The following TDRD3 variants were observed in gnomAD, a reference collection of about 807,000 sequenced individuals.
TDRD3 encodes the protein tudor domain-containing protein 3.
TDRD3 carries 45 observed loss-of-function variants against 86.7 expected under a neutral mutation model. That is an observed-to-expected ratio of 0.52 (90% CI 0.41 to 0.67). The LOEUF (loss-of-function observed/expected upper bound fraction) is 0.67, where lower values mean the gene tolerates loss of function less well. TDRD3 is among the 30% of genes least tolerant of loss of function. TDRD3 has a pLI of 0.00. For synonymous variants in TDRD3, 298 were observed against 301.7 expected, an observed-to-expected ratio of 0.99 and a Z score of 0.13; for missense variants, 814 against 889.0, an observed-to-expected ratio of 0.92 and a Z score of 1.07.
intron 5 of TDRD3, among the ~76,000 whole-genome samples, chr13:60,480,810 A>G (rs539364406): frequency 2.0e-5 from 3 of 151,960 alleles, no homozygotes; most frequent in African/African-American, 7.2e-5. Context: ...AGCCAGCATG[A>G]TGGGGAGTGC....
intron 10 of TDRD3, among the ~76,000 whole-genome samples, chr13:60,521,962 T>C (rs1013749820): frequency 6.6e-6 from 1 of 152,124 alleles, no homozygotes; most frequent in Non-Finnish European, 1.5e-5. Context: ...ATAATTACTA[T>C]ATCTGGAAGT....
In TDRD3 at chr13:60,444,740, G is replaced by T; in HGVS notation, c.184G>T (p.Val62Leu). 6.8e-7 allele frequency: 1 copy of T among 1,478,176 alleles called. No individual in the cohort carries two copies. 91.6% of individuals were successfully genotyped at this position (1,478,176 alleles called of 1,614,324 possible). A position where few individuals can be genotyped will look rare whatever the true frequency, so the allele number is the denominator to read the frequency against. The part of the protein sequence containing the change: ...FLPSDINSGK[V>L]EKLEGPCVLQ... ...CCCCAGTGACATCAATAGTGGAAAG[G>T]TAGAAAAGGTAAAGAAAATCAATAA... Residue 62 changes from valine (V) to leucine (L), a missense_variant, in exon 3 of 14, where the codon GTA becomes TTA. Coordinates refer to ENST00000377881, the MANE Select transcript of TDRD3 (RefSeq NM_001146070.2).
intron 1 of TDRD3, among the ~76,000 whole-genome samples, chr13:60,436,608 A>C (rs1027767594): frequency 6.6e-6 from 1 of 152,068 alleles, no homozygotes; most frequent in African/African-American, 2.4e-5. Context: ...GAGGTTCTCT[A>C]TTCTGTTCCA....
chr13:60,531,365 G>A (rs956932451), intron 11 of TDRD3, among the ~76,000 whole-genome samples: 8 of 152,154 alleles, frequency 5.3e-5, no homozygotes, highest in African/African-American at 1.9e-4. Flanking sequence ...TCTCCTTCAT[G>A]GTGGAGGCAA....
intron 12 of TDRD3, among the ~76,000 whole-genome samples, chr13:60,554,669 G>C (rs564363521): frequency 6.6e-6 from 1 of 152,194 alleles, no homozygotes; most frequent in Admixed American, 6.5e-5. Context: ...CAGAGACTTC[G>C]TGCTTTCCTA....
At position 60,397,316 on chromosome 13, in the gene TDRD3, C is replaced by T; in HGVS notation, c.-49C>T. The T allele has an allele frequency of 1.8e-6, 2 of 1,126,278 alleles. No homozygotes were observed. Among genetic ancestry groups the T allele is most frequent in the Admixed American group, 2.9e-5 (1 of 33,918 alleles). The allele number at this position is 1,126,278 out of a possible 1,614,324, so 69.8% of individuals were successfully genotyped here. ...GGGGGGTCTCAAGTAGGAGGCCTCCCCATCACCCCCACCCCAGCCCCCCAC... is the reference window on the plus strand; with the variant it reads ...GGGGGGTCTCAAGTAGGAGGCCTCCTCATCACCCCCACCCCAGCCCCCCAC... On this transcript the variant is annotated 5_prime_UTR_variant, in exon 1 of 14. Coordinates refer to ENST00000377881, the MANE Select transcript of TDRD3 (RefSeq NM_001146070.2).
intron 5 of TDRD3, among the ~76,000 whole-genome samples, chr13:60,470,101 C>T (rs1164957532): frequency 2.0e-5 from 3 of 152,130 alleles, no homozygotes; most frequent in Admixed American, 6.6e-5. Flanking sequence ...CTGAATTTGA[C>T]GAAGTAACTC....
intron 1 of TDRD3, among the ~76,000 whole-genome samples, chr13:60,434,983 AT>A (rs1452219267): frequency 7.9e-5 from 12 of 152,328 alleles, no homozygotes; most frequent in Admixed American, 2.0e-4. Flanking sequence ...CTTGAAGCAC[AT>A]TTTGGTCTTT....
chr13:60,434,519 G>A (rs2137933379), intron 1 of TDRD3, among the ~76,000 whole-genome samples: 1 of 151,492 alleles, frequency 6.6e-6, no homozygotes, highest in South Asian at 2.1e-4. Flanking sequence ...CTTAAAAATT[G>A]CATTATTTGA....
intron 10 of TDRD3, among the ~76,000 whole-genome samples, chr13:60,518,146 A>C (rs1264829697): frequency 6.6e-6 from 1 of 152,136 alleles, no homozygotes; most frequent in Non-Finnish European, 1.5e-5. Context: ...AATATACTAC[A>C]CTGCTGCCTC....
At chr13:60,453,712 T>C (rs1955600151) in intron 3 of TDRD3, among the ~76,000 whole-genome samples, 1 of 152,196 alleles carries the variant, frequency 6.6e-6, no homozygotes, top group African/African-American at 2.4e-5. Flanking sequence ...GAATGCTCCC[T>C]GGTGAGGTAC....
intron 3 of TDRD3, among the ~76,000 whole-genome samples, chr13:60,455,545 A>T (rs1955646920): frequency 6.6e-6 from 1 of 152,230 alleles, no homozygotes; most frequent in Non-Finnish European, 1.5e-5. Context: ...GTAGAGAAGG[A>T]AATGAATTAA....
chr13:60,489,758 TA>T (rs1183800255), intron 7 of TDRD3, among the ~76,000 whole-genome samples: 1 of 152,338 alleles, frequency 6.6e-6, no homozygotes, highest in African/African-American at 2.4e-5. Flanking sequence ...TACCATTTCT[TA>T]AATTAATACA....
chr13:60,564,931 A>T (rs769000899), intron 12 of TDRD3, among the ~76,000 whole-genome samples: 50 of 148,704 alleles, frequency 3.4e-4, no homozygotes, highest in Non-Finnish European at 6.5e-4. Flanking sequence ...AGTGATTGTT[A>T]TGGGTAACCA....
chr13:60,526,919 C>G (rs1957451473), intron 10 of TDRD3, among the ~76,000 whole-genome samples: 1 of 152,060 alleles, frequency 6.6e-6, no homozygotes. Context: ...ACTGCAACCT[C>G]CATCTCCCAG....
At chr13:60,521,506 A>G (rs1957284140) in intron 10 of TDRD3, among the ~76,000 whole-genome samples, 1 of 152,188 alleles carries the variant, frequency 6.6e-6, no homozygotes, top group Non-Finnish European at 1.5e-5. Flanking sequence ...AGATACCTAT[A>G]GTCACTAAAC....
intron 1 of TDRD3, among the ~76,000 whole-genome samples, chr13:60,425,029 A>G (rs754231238): frequency 1.3e-5 from 2 of 152,210 alleles, no homozygotes; most frequent in Non-Finnish European, 2.9e-5. Flanking sequence ...GTTTATATTC[A>G]TTTATCGGAT....
intron 3 of TDRD3, among the ~76,000 whole-genome samples, chr13:60,449,490 G>A (rs1284249762): frequency 6.6e-6 from 1 of 152,072 alleles, no homozygotes; most frequent in Non-Finnish European, 1.5e-5. Context: ...TGTGGAAATT[G>A]TCAAATGATA....
intron 1 of TDRD3, among the ~76,000 whole-genome samples, chr13:60,407,064 T>C (rs559057129): frequency 1.3e-5 from 2 of 152,308 alleles, no homozygotes; most frequent in East Asian, 3.9e-4. Context: ...ACTTGCTAAA[T>C]AAATTAAGCC....
Sources: gnomAD v4.1 joint callset for allele counts (sites outside exome capture counted in the v4.1 genomes callset) on GRCh38, gnomAD v4.1.1 for gene constraint, MANE v1.5 for transcripts, NCBI Gene and HGNC (gene_info 2026-07-23, HGNC 2026-07-21) for gene names.